Variants in CCDC186 observed in about 807,000 individuals in gnomAD.
The protein encoded by CCDC186 is coiled-coil domain containing 186, also known as coiled-coil domain-containing protein 186.
In CCDC186, 49 loss-of-function variants were observed where a neutral mutation model predicts 113.7. That is an observed-to-expected ratio of 0.43 (90% CI 0.34 to 0.55). CCDC186 has a LOEUF of 0.55. Among genes scored for constraint, CCDC186 ranks in the 20% least tolerant of loss-of-function variants. CCDC186 has a pLI of 0.02. For missense variants in CCDC186, 890 were observed against 1,011.1 expected, an observed-to-expected ratio of 0.88 and a Z score of 1.62; for synonymous variants, 355 against 345.8, an observed-to-expected ratio of 1.03 and a Z score of -0.30.
chr10:114,158,929 C>T (rs1215690378), intron 2 of CCDC186, among the ~76,000 whole-genome samples: 2 of 152,082 alleles, frequency 1.3e-5, no homozygotes, highest in Non-Finnish European at 2.9e-5. Flanking sequence ...TCCCTGCCCT[C>T]GTGGAACTTA....
rs756760874 is a variant in CCDC186, at chr10:114,127,690, G to A, written c.2183-19C>T. 6.2e-7 allele frequency: 1 copy of A among 1,607,484 alleles called. No homozygotes were observed. The highest frequency in any genetic ancestry group is 1.1e-5 in the South Asian group (1 of 90,202). ...AGGGACCCTGAAGACAAAAAAAATT[G>A]GTTTAGATACTGTGCTTAATCTAAC... On this transcript the variant is annotated intron_variant, in intron 13 of 15. Transcript: ENST00000369287.
Position 114,157,734 on chromosome 10 carries a change from T to C in CCDC186, c.633-54A>G, listed in dbSNP as rs1343947729. 4 of 1,372,450 alleles carry C rather than the reference T, an allele frequency of 2.9e-6. No homozygotes were observed. In the African/African-American group the frequency reaches 5.9e-5, roughly 20 times the overall value. 85.0% of individuals were successfully genotyped at this position (1,372,450 alleles called of 1,614,324 possible). ...AACATAATTTAAAATGGAGATAAAA[T>C]AATATGTGGAATATAATTTCTTTAC... is the stretch of plus-strand genomic sequence containing the variant. On this transcript the variant is annotated intron_variant, in intron 2 of 15. Coordinates refer to ENST00000369287, the MANE Select transcript of CCDC186 (RefSeq NM_018017.4).
intron 1 of CCDC186, among the ~76,000 whole-genome samples, chr10:114,167,503 T>C (rs2032370326): frequency 6.6e-6 from 1 of 152,148 alleles, no homozygotes; most frequent in African/African-American, 2.4e-5. Flanking sequence ...AGGCCTCCAG[T>C]TGACAATACT....
chr10:114,128,050 A>G (rs912622206), intron 13 of CCDC186, among the ~76,000 whole-genome samples: 1 of 152,174 alleles, frequency 6.6e-6, no homozygotes, highest in Non-Finnish European at 1.5e-5. Context: ...CTCTGAGGAC[A>G]GCCTGTCTAG....
chr10:114,162,650 G>C lies in CCDC186; in HGVS notation c.619C>G (p.His207Asp). The change falls in exon 2 of 16, where the codon CAT becomes GAT. Residue 207 changes from histidine (H) to aspartate (D), a missense_variant. By Grantham distance (81) the His-to-Asp change is moderately conservative. Coordinates refer to ENST00000369287, the MANE Select transcript of CCDC186 (RefSeq NM_018017.4). Reference sequence around the variant, plus strand: ...TAAAAAACTTACTTTTTTATGATATGTTCCTGCTGCAAATATTTATCTTGC... The same window carrying C: ...TAAAAAACTTACTTTTTTATGATATCTTCCTGCTGCAAATATTTATCTTGC... ...CVQDKYLQQE[H>D]IIKKLIKENK... 2 of 1,573,418 alleles carry C rather than the reference G, an allele frequency of 1.3e-6. No individual in the cohort carries two copies. Among genetic ancestry groups the C allele is most frequent in the Non-Finnish European group, 8.6e-7 (1 of 1,163,924 alleles).
intron 7 of CCDC186, among the ~76,000 whole-genome samples, chr10:114,136,625 A>G (rs77089719): frequency 0.011 from 1,660 of 152,322 alleles, 19 homozygotes; most frequent in African/African-American, 0.038. Context: ...TTATTAACCT[A>G]AAGTTATACA....
In CCDC186 at chr10:114,135,918, C is replaced by T; in HGVS notation, c.1485G>A (p.Met495Ile). 6.2e-7 allele frequency: 1 copy of T among 1,612,994 alleles called. No individual in the cohort carries two copies. ...EDLKRTFKEG[M>I]DELRTLRTKV... ...TTGTTCTCAGTGTTCTTAACTCATC[C>T]ATACCCTCCTTAAATGTTCTCTTCA... The change falls in exon 9 of 16, where the codon ATG becomes ATA. Residue 495 changes from methionine (M) to isoleucine (I), a missense_variant. Coordinates refer to ENST00000369287, the MANE Select transcript of CCDC186 (RefSeq NM_018017.4).
At chr10:114,172,434 T>C (rs1223346532) in intron 1 of CCDC186, among the ~76,000 whole-genome samples, 5 of 152,220 alleles carry the variant, frequency 3.3e-5, no homozygotes, top group African/African-American at 9.7e-5. Context: ...CTCTACTTTA[T>C]GGGTGAAAGA....
rs963790034 is a variant in CCDC186 at position 114,121,078 on chromosome 10, A to C, written c.*4065T>G. 6.6e-6 allele frequency: 1 copy of C among 152,200 alleles called. No individual in the cohort carries two copies. Among genetic ancestry groups the C allele is most frequent in the African/African-American group, 2.4e-5 (1 of 41,454 alleles). 9.4% of individuals were successfully genotyped at this position (152,200 alleles called of 1,614,324 possible). A position where few individuals can be genotyped will look rare whatever the true frequency, so the allele number is the denominator to read the frequency against. Reference sequence around the variant, plus strand: ...TGGATAGCGATTTGCATTTTAGAAAAAGAATTCCATTCCAGAAGAAAAATA... The same window carrying C: ...TGGATAGCGATTTGCATTTTAGAAACAGAATTCCATTCCAGAAGAAAAATA... On this transcript the variant is annotated 3_prime_UTR_variant, in exon 16 of 16. Transcript: ENST00000369287.
At chr10:114,131,047 C>A in intron 12 of CCDC186, 100 bp downstream of exon 12, 2 of 1,028,218 alleles carry the variant, frequency 1.9e-6, no homozygotes, top group South Asian at 3.1e-5. Context: ...ACAAAGAAAA[C>A]ATACAGCTTC....
intron 14 of CCDC186, among the ~76,000 whole-genome samples, chr10:114,126,947 G>A (rs561176580): frequency 2.0e-5 from 3 of 152,250 alleles, no homozygotes; most frequent in South Asian, 4.1e-4. Context: ...GGGGATGAAC[G>A]GTGACCCTGG....
chr10:114,172,829 G>A (rs2032542154), intron 1 of CCDC186, among the ~76,000 whole-genome samples: 1 of 152,134 alleles, frequency 6.6e-6, no homozygotes, highest in African/African-American at 2.4e-5. Flanking sequence ...AAGTTACACA[G>A]GGAACAGTGT....
chr10:114,128,899 AAAAG>A (rs1313762845), intron 13 of CCDC186, among the ~76,000 whole-genome samples: 1 of 152,244 alleles, frequency 6.6e-6, no homozygotes, highest in Non-Finnish European at 1.5e-5. Flanking sequence ...TGTTAAAAGA[AAAAG>A]AGAGAGACCA....
intron 2 of CCDC186, among the ~76,000 whole-genome samples, chr10:114,158,080 C>T (rs2032062453): frequency 6.6e-6 from 1 of 152,154 alleles, no homozygotes; most frequent in African/African-American, 2.4e-5. Context: ...GTTGTCCTAA[C>T]AAGGGTAGGG....
rs2030887589 is a variant in CCDC186 at position 114,125,991 on chromosome 10, T to C, written c.2508A>G (p.Thr836=). 6.2e-7 allele frequency: 1 copy of C among 1,614,086 alleles called. No homozygotes were observed. The highest frequency in any genetic ancestry group is 1.3e-5 in the African/African-American group (1 of 75,068). The change falls in exon 15 of 16, where the codon ACA becomes ACG. Residue 836 remains threonine (T), a synonymous_variant. Transcript: ENST00000369287. ...TTAATCCATTGTCAGCTGGATGGGATGTATATAAAGATGCCATGATGCCAC... is the reference window on the plus strand; with the variant it reads ...TTAATCCATTGTCAGCTGGATGGGACGTATATAAAGATGCCATGATGCCAC... ...RRGGIMASLY[T]SHPADNGLTL... is the part of the protein sequence containing the mutation.
intron 2 of CCDC186, chr10:114,162,414 C>T (rs373104707): frequency 1.2e-5 from 4 of 332,768 alleles, no homozygotes; most frequent in African/African-American, 4.3e-5. Context: ...ATTTCTAGCA[C>T]GTTAATACAT....
chr10:114,172,255 A>C (rs552188822), intron 1 of CCDC186, among the ~76,000 whole-genome samples: 1 of 152,352 alleles, frequency 6.6e-6, no homozygotes, highest in African/African-American at 2.4e-5. Context: ...TAAATCTCCA[A>C]ATAAAGCTGC....
chr10:114,143,425 A>C lies in CCDC186; in HGVS notation c.1221+1072T>G, dbSNP rs147503519. Among the ~76,000 whole-genome samples the C allele has an allele frequency of 8.5e-5, 13 of 152,312 alleles. No homozygotes were observed. In the East Asian group the frequency reaches 2.5e-3, roughly 29 times the overall value. On this transcript the variant is annotated intron_variant, in intron 6 of 15. Transcript: ENST00000369287. ...ATCATTACTGTTTTTATGAATTTGG[A>C]ATTTCAATTCCTCATTCTGTAACTC... is the stretch of plus-strand genomic sequence containing the variant.
intron 10 of CCDC186, among the ~76,000 whole-genome samples, chr10:114,134,413 C>A (rs2031190583): frequency 6.6e-6 from 1 of 152,068 alleles, no homozygotes; most frequent in East Asian, 1.9e-4. Flanking sequence ...ATTTTTTTAG[C>A]AACACTCAGC....
Sources: allele counts gnomAD v4.1 joint callset (sites outside exome capture counted in the v4.1 genomes callset), GRCh38; gene constraint gnomAD v4.1.1; transcripts MANE v1.5; gene names NCBI Gene and HGNC (gene_info 2026-07-23, HGNC 2026-07-21).